The following RNF115 variants were observed in gnomAD, a reference collection of about 807,000 sequenced individuals.
RNF115 encodes the protein ring finger protein 115, also known as E3 ubiquitin-protein ligase RNF115.
A neutral mutation model predicts 39.2 loss-of-function variants in RNF115; 31 were observed. That is an observed-to-expected ratio of 0.79 (90% CI 0.59 to 1.07). RNF115 has a LOEUF of 1.07. RNF115 is among the 50% of genes least tolerant of loss of function. The probability of loss-of-function intolerance (pLI) is 0.00; values close to 1 mark genes in which losing one functional copy is unlikely to be tolerated. For synonymous variants in RNF115, 124 were observed against 131.0 expected (o/e 0.95, Z 0.37); for missense variants, 384 against 381.7 (o/e 1.01, Z -0.05).
At chr1:145,816,735 CTT>C (rs759540947) in intron 1 of RNF115, among the ~76,000 whole-genome samples, 1 of 148,612 alleles carries the variant, frequency 6.7e-6, no homozygotes, top group African/African-American at 2.4e-5. Flanking sequence ...CTTTCTTTTT[CTT>C]TTTCTTTTCT....
At position 145,742,237 on chromosome 1, in the gene RNF115, T is replaced by C. The variant is rs1657712993; in HGVS notation, c.*4629A>G. 1 of 152,120 alleles carries C rather than the reference T, an allele frequency of 6.6e-6. No homozygotes were observed. The highest frequency in any genetic ancestry group is 2.1e-4 in the South Asian group (1 of 4,826). 9.4% of individuals were successfully genotyped at this position (152,120 alleles called of 1,614,324 possible). Reference sequence around the variant, plus strand: ...GACCGACATATTTAATTTGCATTTCTTGAGGGAATAGCACCTGGAAACCAG... The same window carrying C: ...GACCGACATATTTAATTTGCATTTCCTGAGGGAATAGCACCTGGAAACCAG... On this transcript the variant is annotated 3_prime_UTR_variant, in exon 9 of 9. Transcript: ENST00000582693.
chr1:145,774,879 C>A (rs781861985), intron 3 of RNF115, among the ~76,000 whole-genome samples: 1 of 151,972 alleles, frequency 6.6e-6, no homozygotes, highest in Non-Finnish European at 1.5e-5. Context: ...CTAACAGAAA[C>A]GCAACTGATT....
At chr1:145,784,024 A>AC (rs1252409141) in intron 3 of RNF115, among the ~76,000 whole-genome samples, 2 of 152,086 alleles carry the variant, frequency 1.3e-5, no homozygotes, top group African/African-American at 4.8e-5. Context: ...TTATTTACAG[A>AC]CCCCATCTTG....
chr1:145,802,311 A>G (rs1649286003), intron 1 of RNF115, among the ~76,000 whole-genome samples: 2 of 152,128 alleles, frequency 1.3e-5, no homozygotes, highest in African/African-American at 4.8e-5. Flanking sequence ...ATGCTTACCC[A>G]CTTAAAAGAA....
intron 4 of RNF115, among the ~76,000 whole-genome samples, chr1:145,757,515 C>T (rs1228256399): frequency 6.6e-6 from 1 of 152,152 alleles, no homozygotes; most frequent in Non-Finnish European, 1.5e-5. Context: ...GGTCTCTGGG[C>T]CCTGAAATTT....
chr1:145,804,489 A>G (rs1426789597), intron 1 of RNF115, among the ~76,000 whole-genome samples: 1 of 100,798 alleles, frequency 9.9e-6, no homozygotes, highest in Non-Finnish European at 1.9e-5. Flanking sequence ...CCTTAAATGC[A>G]TGCATGCATG....
At chr1:145,776,548 A>G (rs1218641007) in intron 3 of RNF115, among the ~76,000 whole-genome samples, 1 of 152,112 alleles carries the variant, frequency 6.6e-6, no homozygotes, top group Non-Finnish European at 1.5e-5. Flanking sequence ...AACATCAATT[A>G]GATTTCTCAG....
chr1:145,743,395 A>C lies in RNF115; in HGVS notation c.*3471T>G, dbSNP rs1657743841. On this transcript the variant is annotated 3_prime_UTR_variant, in exon 9 of 9. Coordinates refer to ENST00000582693, the MANE Select transcript of RNF115 (RefSeq NM_014455.4). Reference sequence around the variant, plus strand: ...GTATCCAAGCTGGCCTTCAGACTGGAACTACACCATCAGCTCTCCTGGATC... The same window carrying C: ...GTATCCAAGCTGGCCTTCAGACTGGCACTACACCATCAGCTCTCCTGGATC... 1 of 152,302 alleles carries C rather than the reference A, an allele frequency of 6.6e-6. No homozygotes were observed. Among genetic ancestry groups the C allele is most frequent in the Admixed American group, 6.5e-5 (1 of 15,280 alleles). The allele number at this position is 152,302 out of a possible 1,614,324, so 9.4% of individuals were successfully genotyped here. A position where few individuals can be genotyped will look rare whatever the true frequency, so the allele number is the denominator to read the frequency against.
At chr1:145,789,698 T>C (rs1648569066) in intron 1 of RNF115, among the ~76,000 whole-genome samples, 1 of 128,628 alleles carries the variant, frequency 7.8e-6, no homozygotes, top group African/African-American at 2.8e-5. Flanking sequence ...ACACCCGGAC[T>C]TCTTTTTTTT....
intron 1 of RNF115, among the ~76,000 whole-genome samples, chr1:145,792,707 C>T (rs1553719173): frequency 6.6e-6 from 1 of 152,028 alleles, no homozygotes; most frequent in East Asian, 1.9e-4. Flanking sequence ...AATTCTAGGT[C>T]TAGGACCATG....
intron 3 of RNF115, among the ~76,000 whole-genome samples, chr1:145,775,887 A>T (rs1553716477): frequency 6.6e-6 from 1 of 151,940 alleles, no homozygotes; most frequent in African/African-American, 2.4e-5. Flanking sequence ...AGTCCCAGCT[A>T]CTCAGGAGGC....
rs1657735746 is a variant in RNF115 at position 145,743,123 on chromosome 1, G to A, written c.*3743C>T. ...ATGTGTCAACTTGACTAGGCCACAT[G>A]ATGCCCAGATATTTGGTCATACAGT... On this transcript the variant is annotated 3_prime_UTR_variant, in exon 9 of 9. Coordinates refer to ENST00000582693, the MANE Select transcript of RNF115 (RefSeq NM_014455.4). 6.6e-6 allele frequency: 1 copy of A among 152,228 alleles called. No individual in the cohort carries two copies. The highest frequency in any genetic ancestry group is 1.5e-5 in the Non-Finnish European group (1 of 68,066). 9.4% of individuals were successfully genotyped at this position (152,228 alleles called of 1,614,324 possible).
intron 8 of RNF115, among the ~76,000 whole-genome samples, chr1:145,747,461 G>A (rs1657918521): frequency 2.6e-5 from 4 of 152,110 alleles, no homozygotes; most frequent in Admixed American, 2.6e-4. Context: ...AGATCAGCAT[G>A]GCGAAACCCT....
intron 4 of RNF115, among the ~76,000 whole-genome samples, chr1:145,760,711 C>T (rs886400623): frequency 3.3e-5 from 5 of 152,106 alleles, no homozygotes; most frequent in African/African-American, 1.2e-4. Flanking sequence ...TCTTTATCAG[C>T]AGCGTGAAAA....
At chr1:145,767,632 T>G (rs1571729177) in intron 4 of RNF115, among the ~76,000 whole-genome samples, 2 of 151,124 alleles carry the variant, frequency 1.3e-5, no homozygotes, top group South Asian at 2.1e-4. Flanking sequence ...AGCTGGGAGG[T>G]GGAGGTTGTA....
intron 4 of RNF115, among the ~76,000 whole-genome samples, chr1:145,761,367 A>G (rs1482337853): frequency 2.6e-5 from 4 of 152,164 alleles, no homozygotes; most frequent in Non-Finnish European, 5.9e-5. Flanking sequence ...CAGAGACCCA[A>G]GAGGAAAAAG....
chr1:145,771,341 C>T (rs1374386569), intron 4 of RNF115, among the ~76,000 whole-genome samples: 4 of 152,174 alleles, frequency 2.6e-5, no homozygotes, highest in South Asian at 4.1e-4. Flanking sequence ...AGAAGGCCCT[C>T]GCCAGATGTG....
intron 3 of RNF115, among the ~76,000 whole-genome samples, chr1:145,784,122 A>G (rs1648270668): frequency 6.6e-6 from 1 of 152,206 alleles, no homozygotes; most frequent in African/African-American, 2.4e-5. Context: ...ACCTCTGTAC[A>G]AGGTTGAAGA....
chr1:145,767,903 A>G (rs1012852509), intron 4 of RNF115, among the ~76,000 whole-genome samples: 59 of 152,198 alleles, frequency 3.9e-4, no homozygotes, highest in Non-Finnish European at 6.8e-4. Context: ...GGGAGGTTGC[A>G]GTGAGCCGAG....
Sources: allele counts gnomAD v4.1 joint callset (sites outside exome capture counted in the v4.1 genomes callset), GRCh38; gene constraint gnomAD v4.1.1; transcripts MANE v1.5; gene names NCBI Gene and HGNC (gene_info 2026-07-23, HGNC 2026-07-21).